SLC19A1: variants seen among roughly 807,000 people sequenced by gnomAD.
SLC19A1 encodes the protein solute carrier family 19 member 1.
A neutral mutation model predicts 35.3 loss-of-function variants in SLC19A1; 37 were observed. The observed-to-expected ratio is 1.05, with a 90% CI of 0.81 to 1.38. The LOEUF is 1.38. Among genes scored for constraint, SLC19A1 ranks in the 40% most tolerant of loss-of-function variants. SLC19A1 has a pLI of 0.00. For missense variants in SLC19A1, 831 were observed against 826.9 expected (o/e 1.00, Z -0.06); for synonymous variants, 460 against 398.5 (o/e 1.15, Z -1.84).
At chr21:45,510,097 G>T, downstream of SLC19A1, 1 of 1,588,822 alleles carries the variant, frequency 6.3e-7, no homozygotes, top group Non-Finnish European at 8.5e-7. Flanking sequence ...CCCCCTGTCA[G>T]GCGGCATGCG....
downstream of SLC19A1, among the ~76,000 whole-genome samples, chr21:45,511,819 G>A (rs2146146488): frequency 6.6e-6 from 1 of 152,340 alleles, no homozygotes; most frequent in South Asian, 2.1e-4. Context: ...GGGCAGGGCT[G>A]GGCCCCAGGG....
chr21:45,512,263 G>A, downstream of SLC19A1: 1 of 1,612,062 alleles, frequency 6.2e-7, no homozygotes, highest in African/African-American at 1.3e-5. Context: ...AGACGTGGCG[G>A]ACGGAGGCTC....
rs56801681 is a variant in SLC19A1 at position 45,525,795 on chromosome 21, C to T, written c.1293+22G>A. 7.9e-4 allele frequency: 1,276 copies of T among 1,611,584 alleles called. 13 individuals carry two copies. In the Middle Eastern group the frequency reaches 0.013, roughly 16 times the overall value. On this transcript the variant is annotated intron_variant, in intron 5 of 5. Coordinates refer to ENST00000311124, the MANE Select transcript of SLC19A1 (RefSeq NM_194255.4). ...CACAAGTAGCTTCCATCCCCGAGGA[C>T]GCAGGCCTGAAATGGGCTCACCTGC...
chr21:45,532,183 T>C (rs2077954592), intron 2 of SLC19A1, 35 bp from the exon 3 acceptor site: 5 of 1,518,946 alleles, frequency 3.3e-6, no homozygotes, highest in Non-Finnish European at 4.5e-6. Flanking sequence ...CACCAGGTGT[T>C]AGCAATGCTG....
intron 3 of SLC19A1, among the ~76,000 whole-genome samples, chr21:45,503,755 A>ATG (rs1555874196): frequency 4.5e-4 from 68 of 152,228 alleles, no homozygotes; most frequent in Admixed American, 1.9e-3. Context: ...CCTGCACATC[A>ATG]TGCACATGTA....
At chr21:45,505,307 A>C in intron 3 of SLC19A1, 1 of 1,601,068 alleles carries the variant, frequency 6.2e-7, no homozygotes, top group East Asian at 2.2e-5. Flanking sequence ...GGCCCCGGGC[A>C]GAGGCCGCCT....
rs755188060 is a variant in SLC19A1, at chr21:45,531,931, T to C, written c.407A>G (p.Tyr136Cys). 3.7e-6 allele frequency: 6 copies of C among 1,600,386 alleles called. No individual in the cohort carries two copies. The highest frequency in any genetic ancestry group is 2.3e-5 in the East Asian group (1 of 44,100). ...YSVTMAARIA[Y>C]SSYIFSLVRP... is the part of the protein sequence containing the mutation. The stretch of plus-strand genomic sequence containing the variant: ...CACGAGAGAGAAGATGTAGGAGGAA[T>C]AGGCGATGCGCGCGGCCATGGTGAC... Residue 136 changes from tyrosine to cysteine, a missense_variant, in exon 3 of 6, where the codon TAT becomes TGT. Physicochemically the swap from Tyr to Cys is radical, Grantham distance 194. Coordinates refer to ENST00000311124, the MANE Select transcript of SLC19A1 (RefSeq NM_194255.4).
At chr21:45,511,052 ACC>A, downstream of SLC19A1, 1 of 513,432 alleles carries the variant, frequency 1.9e-6, no homozygotes, top group African/African-American at 3.4e-5. Context: ...CCCCACAAAC[ACC>A]CACACCCATC....
rs1329597698 is a variant in SLC19A1, at chr21:45,530,917, G to C, written c.1004C>G (p.Ser335Cys). The change falls in exon 4 of 6, where the codon TCC becomes TGC. Residue 335 changes from serine to cysteine, a missense_variant. Ser to Cys is a moderately radical substitution (Grantham distance 112, BLOSUM62 -1). Transcript: ENST00000311124. This position sits in a 1 kb window ranked among gnomAD's most constrained non-coding sequence, Gnocchi z 5.3. ...GFVKIRWARW[S>C]KLLIAGVTAT... ...CGTGACGCCCGCGATGAGCAGCTTG[G>C]ACCAGCGCGCCCAGCGGATCTTCAC... 1.4e-6 allele frequency: 2 copies of C among 1,469,954 alleles called. No individual in the cohort carries two copies. Among genetic ancestry groups the C allele is most frequent in the Admixed American group, 2.6e-5 (1 of 38,802 alleles). 91.1% of individuals were successfully genotyped at this position (1,469,954 alleles called of 1,614,324 possible). A position where few individuals can be genotyped will look rare whatever the true frequency, so the allele number is the denominator to read the frequency against.
downstream of SLC19A1, chr21:45,507,697 A>G: frequency 9.1e-7 from 1 of 1,101,700 alleles, no homozygotes; most frequent in Non-Finnish European, 1.4e-6. Context: ...GGAGTCCTGG[A>G]GCTGAACATG....
chr21:45,504,272 C>G (rs527965113), intron 3 of SLC19A1: 2 of 911,232 alleles, frequency 2.2e-6, no homozygotes, highest in Admixed American at 4.6e-5. Flanking sequence ...GGTGGGGAGT[C>G]GAGCCCTATT....
chr21:45,507,009 G>A (rs1045998753), intron 3 of SLC19A1: 9 of 293,330 alleles, frequency 3.1e-5, no homozygotes, highest in South Asian at 1.5e-4. Context: ...AACTTTCAGG[G>A]GCTTTGGTCC....
chr21:45,507,147 G>A, intron 3 of SLC19A1: 1 of 198,000 alleles, frequency 5.1e-6, no homozygotes, highest in South Asian at 5.1e-5. Context: ...CCCTCCTGTG[G>A]GCTGGGAGGG....
At chr21:45,504,823 C>T (rs977545910) in intron 3 of SLC19A1, among the ~76,000 whole-genome samples, 1 of 152,136 alleles carries the variant, frequency 6.6e-6, no homozygotes, top group African/African-American at 2.4e-5. Flanking sequence ...TGCTCCTGGG[C>T]CGGGTCAGGT....
upstream of SLC19A1, among the ~76,000 whole-genome samples, chr21:45,548,754 T>A (rs1003610324): frequency 2.0e-5 from 3 of 151,762 alleles, no homozygotes; most frequent in Admixed American, 1.3e-4. Context: ...AAAAAATAAA[T>A]AAATAAATAA....
intron 2 of SLC19A1, among the ~76,000 whole-genome samples, chr21:45,535,320 G>A (rs551708741): frequency 6.6e-6 from 1 of 152,330 alleles, no homozygotes; most frequent in Non-Finnish European, 1.5e-5. Flanking sequence ...CAGAAACCCT[G>A]GAGGGAAATT....
At chr21:45,512,041 A>G (rs1191589027), downstream of SLC19A1, 2 of 830,046 alleles carry the variant, frequency 2.4e-6, no homozygotes, top group African/African-American at 3.4e-5. Context: ...CAGGGAGGCC[A>G]TGTGGCCCTC....
In SLC19A1 at chr21:45,530,401, GGT is replaced by G. The variant is rs988220292; in HGVS notation, c.1151+367_1151+368del. ...ATGTGTGAGCGTGTGGTGTGTGTGT[GGT>G]GTGAGTGCCTGGTGTGAGTGTAAGC... On this transcript the variant is annotated intron_variant, in intron 4 of 5. Transcript: ENST00000311124. The surrounding 1 kb of genome is among the most constrained non-coding windows in gnomAD (Gnocchi z 5.3). Among the ~76,000 whole-genome samples, 2 of 152,092 alleles carry G rather than the reference GGT, an allele frequency of 1.3e-5. No homozygotes were observed. Among genetic ancestry groups the G allele is most frequent in the African/African-American group, 4.8e-5 (2 of 41,382 alleles).
At chr21:45,553,332 C>T (rs1195241203) in intron 1 of SLC19A1, among the ~76,000 whole-genome samples, 1 of 151,988 alleles carries the variant, frequency 6.6e-6, no homozygotes, top group East Asian at 1.9e-4. Flanking sequence ...CCACATCCTC[C>T]CTCCAGCCCA....
Sources: gnomAD v4.1 joint callset for allele counts (sites outside exome capture counted in the v4.1 genomes callset) on GRCh38, gnomAD v4.1.1 for gene constraint, Gnocchi (gnomAD v3.1) non-coding constraint, MANE v1.5 for transcripts, NCBI Gene and HGNC (gene_info 2026-07-23, HGNC 2026-07-21) for gene names.